The following PIK3CG variants were observed in gnomAD, a reference collection of about 807,000 sequenced individuals.
PIK3CG encodes phosphatidylinositol-4,5-bisphosphate 3-kinase catalytic subunit gamma.
A neutral mutation model predicts 102.3 loss-of-function variants in PIK3CG; 55 were observed. The ratio of observed to expected loss-of-function variants is 0.54; its 90% CI spans 0.43 to 0.67. The LOEUF is 0.67. Ranked by LOEUF, PIK3CG falls within the 30% of genes least tolerant of loss-of-function variation. The probability of loss-of-function intolerance (pLI) is 0.00; values close to 1 mark genes in which losing one functional copy is unlikely to be tolerated. For missense variants in PIK3CG, 1,258 were observed against 1,391.8 expected, an observed-to-expected ratio of 0.90 and a Z score of 1.53; for synonymous variants, 552 against 540.0, an observed-to-expected ratio of 1.02 and a Z score of -0.31.
intron 1 of PIK3CG, chr7:106,865,922 G>A (rs555065805): frequency 1.2e-4 from 18 of 152,192 alleles, no homozygotes; most frequent in Non-Finnish European, 2.2e-4. Flanking sequence ...GTATCTTACA[G>A]TTCTCTTCTT....
In PIK3CG at chr7:106,872,490, A is replaced by G. The variant is rs201227949; in HGVS notation, c.1996-47A>G. On this transcript the variant is annotated intron_variant, in intron 2 of 10. Coordinates refer to ENST00000496166, the MANE Select transcript of PIK3CG (RefSeq NM_001282426.2). This position sits in a 1 kb window ranked among gnomAD's most constrained non-coding sequence, Gnocchi z 5.3. ...TCTCCATTTCCTTTTCCCTGATTCA[A>G]CGACATAGAGTACAGTCCTACAAAT... 7.6e-6 allele frequency: 11 copies of G among 1,451,898 alleles called. No homozygotes were observed. In the East Asian group the frequency reaches 2.0e-4, roughly 27 times the overall value. 89.9% of individuals were successfully genotyped at this position (1,451,898 alleles called of 1,614,324 possible).
intron 10 of PIK3CG, among the ~76,000 whole-genome samples, chr7:106,901,229 T>TTC (rs1278640334): frequency 6.6e-6 from 1 of 152,126 alleles, no homozygotes. Flanking sequence ...AATCCCATAC[T>TTC]TCTCAGTGGT....
At chr7:106,870,962 G>C (rs1362026449) in intron 2 of PIK3CG, among the ~76,000 whole-genome samples, 2 of 152,164 alleles carry the variant, frequency 1.3e-5, no homozygotes, top group Non-Finnish European at 2.9e-5. Context: ...AAAAAAACTT[G>C]GATGAGCTCT....
At position 106,890,926 on chromosome 7, in the gene PIK3CG, A is replaced by G. The variant is rs1791248515; in HGVS notation, c.3030+4634A>G. On this transcript the variant is annotated intron_variant, in intron 10 of 10. Coordinates refer to ENST00000496166, the MANE Select transcript of PIK3CG (RefSeq NM_001282426.2). This position sits in a 1 kb window ranked among gnomAD's most constrained non-coding sequence, Gnocchi z 4.2. ...CTCTGTGCTGCCCTGTGGTCTCAGC[A>G]TAAATGTCATTCTGCAGAGCAGTTT... Among the ~76,000 whole-genome samples the G allele has an allele frequency of 6.6e-6, 1 of 152,244 alleles. No individual in the cohort carries two copies. The highest frequency in any genetic ancestry group is 1.5e-5 in the Non-Finnish European group (1 of 68,042).
At position 106,905,190 on chromosome 7, in the gene PIK3CG, G is replaced by A. The variant is rs2116617912; in HGVS notation, c.3112G>A (p.Gly1038Arg). Reference sequence around the variant, plus strand: ...CCTGTTCTCCATGATGCTGATGACAGGAATGCCCCAGTTAACAAGCAAAGA... The same window carrying A: ...CCTGTTCTCCATGATGCTGATGACAAGAATGCCCCAGTTAACAAGCAAAGA... ...IILFSMMLMT[G>R]MPQLTSKEDI... The change falls in exon 11 of 11, where the codon GGA becomes AGA. Residue 1038 changes from glycine to arginine, a missense_variant. By Grantham distance (125) the Gly-to-Arg change is moderately radical. This residue lies in a region of PIK3CG where 426 missense variants were observed against 604.2 expected (regional missense o/e 0.71). Transcript: ENST00000496166. This position sits in a 1 kb window ranked among gnomAD's most constrained non-coding sequence, Gnocchi z 5.6. 1 of 1,614,104 alleles carries A rather than the reference G, an allele frequency of 6.2e-7. No homozygotes were observed. Among genetic ancestry groups the A allele is most frequent in the Non-Finnish European group, 8.5e-7 (1 of 1,179,968 alleles).
At chr7:106,898,856 GCT>G (rs1791474706) in intron 10 of PIK3CG, among the ~76,000 whole-genome samples, 1 of 152,086 alleles carries the variant, frequency 6.6e-6, no homozygotes, top group Non-Finnish European at 1.5e-5. Context: ...GGCTATTTGG[GCT>G]CTTTTTTGGT....
intron 10 of PIK3CG, among the ~76,000 whole-genome samples, chr7:106,901,441 C>A (rs1198503629): frequency 6.6e-6 from 1 of 152,156 alleles, no homozygotes; most frequent in East Asian, 1.9e-4. Flanking sequence ...CCAGCTATTT[C>A]ATTCTTCAGT....
At chr7:106,882,855 T>C (rs938355143) in intron 7 of PIK3CG, 178 bp from the exon 8 acceptor site, 32 of 532,792 alleles carry the variant, frequency 6.0e-5, no homozygotes, top group African/African-American at 5.6e-4. Flanking sequence ...ATATCCTCCT[T>C]CTTTCCTTTC....
In PIK3CG at chr7:106,868,774, A is replaced by C. The variant is rs1403728519; in HGVS notation, c.1213A>C (p.Thr405Pro). The change falls in exon 2 of 11, where the codon ACA (threonine) becomes CCA (proline). Residue 405 changes from threonine to proline, a missense_variant. By Grantham distance (38) the Thr-to-Pro change is conservative. Around this residue, in one of 2 missense-constraint regions of PIK3CG, gnomAD observed 832 missense variants for 787.5 expected, o/e 1.06. Coordinates refer to ENST00000496166, the MANE Select transcript of PIK3CG (RefSeq NM_001282426.2). The surrounding 1 kb of genome is among the most constrained non-coding windows in gnomAD (Gnocchi z 6.2). ...CQRRTSPKPF[T>P]EEVLWNVWLE... ...AAGGAGAACCAGCCCCAAACCCTTCACAGAGGAGGTGCTGTGGAATGTGTG... is the reference window on the plus strand; with the variant it reads ...AAGGAGAACCAGCCCCAAACCCTTCCCAGAGGAGGTGCTGTGGAATGTGTG... The C allele has an allele frequency of 1.2e-6, 2 of 1,614,194 alleles. No individual in the cohort carries two copies. Among genetic ancestry groups the C allele is most frequent in the Non-Finnish European group, 1.7e-6 (2 of 1,180,020 alleles).
In PIK3CG at chr7:106,906,858, A is replaced by C. The variant is rs985603348; in HGVS notation, c.*1471A>C. The stretch of plus-strand genomic sequence containing the variant: ...TTTTTTTTTTTTTTTTAATGTGTGC[A>C]AAAGCCCAAAGGTTCCTAAGCCTGG... On this transcript the variant is annotated 3_prime_UTR_variant, in exon 11 of 11. Coordinates refer to ENST00000496166, the MANE Select transcript of PIK3CG (RefSeq NM_001282426.2). 4.5e-6 allele frequency: 1 copy of C among 222,914 alleles called. No individual in the cohort carries two copies. Among genetic ancestry groups the C allele is most frequent in the African/African-American group, 2.3e-5 (1 of 43,840 alleles). The allele number at this position is 222,914 out of a possible 1,614,324, so 13.8% of individuals were successfully genotyped here.
At chr7:106,889,650 A>G (rs1011817252) in intron 10 of PIK3CG, among the ~76,000 whole-genome samples, 8 of 152,236 alleles carry the variant, frequency 5.3e-5, no homozygotes, top group Non-Finnish European at 1.0e-4. Context: ...ATGGAGAAAA[A>G]TTGACCCACT....
rs2116480728 is a variant in PIK3CG, at chr7:106,872,480, C to T, written c.1996-57C>T. ...CACCAGTTCTTCTCCATTTCCTTTT[C>T]CCTGATTCAACGACATAGAGTACAG... On this transcript the variant is annotated intron_variant, in intron 2 of 10. Coordinates refer to ENST00000496166, the MANE Select transcript of PIK3CG (RefSeq NM_001282426.2). The surrounding 1 kb of genome is among the most constrained non-coding windows in gnomAD (Gnocchi z 5.3). The T allele has an allele frequency of 7.4e-7, 1 of 1,353,094 alleles. No homozygotes were observed. The highest frequency in any genetic ancestry group is 2.3e-5 in the East Asian group (1 of 43,594). 83.8% of individuals were successfully genotyped at this position (1,353,094 alleles called of 1,614,324 possible).
In PIK3CG at chr7:106,892,504, C is replaced by T. The variant is rs1231622232; in HGVS notation, c.3030+6212C>T. 1.3e-5 allele frequency among the ~76,000 whole-genome samples: 2 copies of T among 152,218 alleles called. No homozygotes were observed. Among genetic ancestry groups the T allele is most frequent in the Non-Finnish European group, 2.9e-5 (2 of 68,046 alleles). The stretch of plus-strand genomic sequence containing the variant: ...CAAATACAGTTGTTCCCTAATTCAT[C>T]CTGATTTTAAAGTAGTGAATCTTGT... On this transcript the variant is annotated intron_variant, in intron 10 of 10. Coordinates refer to ENST00000496166, the MANE Select transcript of PIK3CG (RefSeq NM_001282426.2). The surrounding 1 kb of genome is among the most constrained non-coding windows in gnomAD (Gnocchi z 5.2).
chr7:106,889,398 T>G (rs1791210851), intron 10 of PIK3CG, among the ~76,000 whole-genome samples: 1 of 152,198 alleles, frequency 6.6e-6, no homozygotes, highest in Non-Finnish European at 1.5e-5. Context: ...ATTTTCTGTT[T>G]CTTGGTTTTA....
chr7:106,876,755 G>T lies in PIK3CG; in HGVS notation c.2391+1952G>T, dbSNP rs113275225. On this transcript the variant is annotated intron_variant, in intron 5 of 10. Transcript: ENST00000496166. Reference sequence around the variant, plus strand: ...TAAACTGGATACAAATTCTTTATCAGATATACATTTTACAGATATTTTCTG... The same window carrying T: ...TAAACTGGATACAAATTCTTTATCATATATACATTTTACAGATATTTTCTG... 4.7e-3 allele frequency among the ~76,000 whole-genome samples: 712 copies of T among 152,076 alleles called. 8 individuals carry two copies. Among genetic ancestry groups the T allele is most frequent in the African/African-American group, 0.016 (670 of 41,470 alleles).
rs1233975972 is a variant in PIK3CG at position 106,899,285 on chromosome 7, A to G, written c.3031-5824A>G. Among the ~76,000 whole-genome samples, 1 of 152,168 alleles carries G rather than the reference A, an allele frequency of 6.6e-6. No homozygotes were observed. Among genetic ancestry groups the G allele is most frequent in the African/African-American group, 2.4e-5 (1 of 41,434 alleles). On this transcript the variant is annotated intron_variant, in intron 10 of 10. Coordinates refer to ENST00000496166, the MANE Select transcript of PIK3CG (RefSeq NM_001282426.2). The surrounding 1 kb of genome is among the most constrained non-coding windows in gnomAD (Gnocchi z 4.6). Reference sequence around the variant, plus strand: ...AGGCAGAGACTATGGGGTTTTCTAGATATAAAATCATGTCATCTGCAAACA... The same window carrying G: ...AGGCAGAGACTATGGGGTTTTCTAGGTATAAAATCATGTCATCTGCAAACA...
rs2116458889 is a variant in PIK3CG, at chr7:106,869,143, G to C, written c.1582G>C (p.Ala528Pro). 6.2e-7 allele frequency: 1 copy of C among 1,614,146 alleles called. No homozygotes were observed. Among genetic ancestry groups the C allele is most frequent in the Non-Finnish European group, 8.5e-7 (1 of 1,180,042 alleles). ...TCTGGACAATTACTGCCACCCGATA[G>C]CCCTGCCTAAGCATCAGCCCACCCC... Reference protein sequence around the residue: ...ILLDNYCHPIALPKHQPTPDP... With the variant: ...ILLDNYCHPIPLPKHQPTPDP... Residue 528 changes from alanine to proline, a missense_variant, in exon 2 of 11, where the codon GCC becomes CCC. Physicochemically the swap from Ala to Pro is conservative, Grantham distance 27 (BLOSUM62 -1). This residue lies in a region of PIK3CG where 832 missense variants were observed against 787.5 expected (regional missense o/e 1.06). Transcript: ENST00000496166. This position sits in a 1 kb window ranked among gnomAD's most constrained non-coding sequence, Gnocchi z 5.3.
rs189329351 is a variant in PIK3CG at position 106,899,431 on chromosome 7, G to A, written c.3031-5678G>A. On this transcript the variant is annotated intron_variant, in intron 10 of 10. Coordinates refer to ENST00000496166, the MANE Select transcript of PIK3CG (RefSeq NM_001282426.2). The surrounding 1 kb of genome is among the most constrained non-coding windows in gnomAD (Gnocchi z 4.6). ...AGAAGTGGTGAGAGAGGGGTTCCTT[G>A]TCTTGTGCCAGTTTTCAAGGGGAAT... Among the ~76,000 whole-genome samples the A allele has an allele frequency of 1.5e-3, 233 of 152,300 alleles. No individual in the cohort carries two copies. Among genetic ancestry groups the A allele is most frequent in the Non-Finnish European group, 2.4e-3 (164 of 68,018 alleles).
chr7:106,895,455 C>T lies in PIK3CG; in HGVS notation c.3030+9163C>T, dbSNP rs1791383316. 1.3e-5 allele frequency among the ~76,000 whole-genome samples: 2 copies of T among 152,288 alleles called. No individual in the cohort carries two copies. The highest frequency in any genetic ancestry group is 4.1e-4 in the South Asian group (2 of 4,820). On this transcript the variant is annotated intron_variant, in intron 10 of 10. Coordinates refer to ENST00000496166, the MANE Select transcript of PIK3CG (RefSeq NM_001282426.2). This position sits in a 1 kb window ranked among gnomAD's most constrained non-coding sequence, Gnocchi z 5.4. Reference sequence around the variant, plus strand: ...AATGAAACTTCTGGGACTGAGCGGGCAGGGCAGGTGCTCGGCTGTGCCCCC... The same window carrying T: ...AATGAAACTTCTGGGACTGAGCGGGTAGGGCAGGTGCTCGGCTGTGCCCCC...
Sources: gnomAD v4.1 joint callset for allele counts (sites outside exome capture counted in the v4.1 genomes callset) on GRCh38, gnomAD v4.1.1 for gene constraint, gnomAD v4.1.1 regional missense constraint, Gnocchi (gnomAD v3.1) non-coding constraint, MANE v1.5 for transcripts, NCBI Gene and HGNC (gene_info 2026-07-23, HGNC 2026-07-21) for gene names.